CSRNP3: variants seen among roughly 807,000 people sequenced by gnomAD.
CSRNP3 encodes cysteine/serine-rich nuclear protein 3.
In CSRNP3, 12 loss-of-function variants were observed where a neutral mutation model predicts 48.0. The ratio of observed to expected loss-of-function variants is 0.25; its 90% CI spans 0.16 to 0.41. The LOEUF is 0.41. Among genes scored for constraint, CSRNP3 ranks in the 10% least tolerant of loss-of-function variants. The pLI is 1.00. For synonymous variants in CSRNP3, 263 were observed against 269.7 expected (o/e 0.98, Z 0.24); for missense variants, 580 against 724.4 (o/e 0.80, Z 2.29).
chr2:165,561,732 T>C (rs1161016031), intron 3 of CSRNP3, among the ~76,000 whole-genome samples: 1 of 152,142 alleles, frequency 6.6e-6, no homozygotes, highest in Non-Finnish European at 1.5e-5. Context: ...GTATGTTCTT[T>C]CTCTTAAACG....
chr2:165,538,512 T>C (rs1684911815), intron 3 of CSRNP3, among the ~76,000 whole-genome samples: 1 of 151,912 alleles, frequency 6.6e-6, no homozygotes, highest in Non-Finnish European at 1.5e-5. Context: ...ATCCAGTCTC[T>C]CACAACTCAT....
At chr2:165,670,421 T>C (rs1336627083) in intron 5 of CSRNP3, among the ~76,000 whole-genome samples, 1 of 152,174 alleles carries the variant, frequency 6.6e-6, no homozygotes, top group East Asian at 1.9e-4. Context: ...TTCCAAATAA[T>C]CATAAAAGAT....
chr2:165,646,880 T>A (rs1234946365), intron 4 of CSRNP3, among the ~76,000 whole-genome samples: 2 of 152,196 alleles, frequency 1.3e-5, no homozygotes, highest in Non-Finnish European at 2.9e-5. Flanking sequence ...TTATTCATAT[T>A]GAGATTTTAA....
intron 4 of CSRNP3, among the ~76,000 whole-genome samples, chr2:165,641,776 A>G (rs1000345408): frequency 6.6e-6 from 1 of 152,194 alleles, no homozygotes; most frequent in African/African-American, 2.4e-5. Context: ...GCTCCAAATG[A>G]TAAAGGAAAC....
intron 5 of CSRNP3, among the ~76,000 whole-genome samples, chr2:165,675,725 C>T (rs1187320010): frequency 1.3e-5 from 2 of 152,218 alleles, no homozygotes; most frequent in Non-Finnish European, 2.9e-5. Context: ...GCATGCTGAC[C>T]TGACTGATTA....
chr2:165,652,176 A>G (rs1686922038), intron 4 of CSRNP3, among the ~76,000 whole-genome samples: 1 of 152,104 alleles, frequency 6.6e-6, no homozygotes, highest in Non-Finnish European at 1.5e-5. Flanking sequence ...TCAGGCTGGT[A>G]TTATGTTGGG....
intron 4 of CSRNP3, among the ~76,000 whole-genome samples, chr2:165,634,385 A>G (rs766549065): frequency 6.6e-6 from 1 of 152,190 alleles, no homozygotes; most frequent in African/African-American, 2.4e-5. Context: ...TTTGAAAAAC[A>G]TACAAAAAAC....
At chr2:165,486,343 T>A (rs1192450238) in intron 1 of CSRNP3, among the ~76,000 whole-genome samples, 2 of 151,558 alleles carry the variant, frequency 1.3e-5, no homozygotes, top group Admixed American at 6.6e-5. Flanking sequence ...GAGATCAAAC[T>A]GCAAGGCGGC....
intron 4 of CSRNP3, among the ~76,000 whole-genome samples, chr2:165,599,653 AT>A (rs1362939701): frequency 4.6e-5 from 7 of 152,196 alleles, no homozygotes; most frequent in African/African-American, 1.7e-4. Context: ...GTTTCTAGAA[AT>A]GTATTTCAGA....
chr2:165,665,498 C>T (rs1489809119), intron 5 of CSRNP3, among the ~76,000 whole-genome samples: 6 of 152,058 alleles, frequency 3.9e-5, no homozygotes, highest in Non-Finnish European at 8.8e-5. Flanking sequence ...GGGTGGCTCG[C>T]ACCTGTAATC....
chr2:165,553,138 T>G (rs1685119372), intron 3 of CSRNP3, among the ~76,000 whole-genome samples: 1 of 152,154 alleles, frequency 6.6e-6, no homozygotes, highest in Non-Finnish European at 1.5e-5. Flanking sequence ...GTAACTGTAG[T>G]CTTTTAATTA....
At chr2:165,547,547 C>A (rs1685047363) in intron 3 of CSRNP3, among the ~76,000 whole-genome samples, 1 of 151,938 alleles carries the variant, frequency 6.6e-6, no homozygotes, top group African/African-American at 2.4e-5. Context: ...AGCATCTTTT[C>A]ATACGTATAT....
At chr2:165,571,217 T>A (rs927112278) in intron 3 of CSRNP3, among the ~76,000 whole-genome samples, 1 of 151,996 alleles carries the variant, frequency 6.6e-6, no homozygotes. Context: ...CATCTGTATT[T>A]ATAGTGCTTC....
rs529707983 is a variant in CSRNP3 at position 165,484,146 on chromosome 2, C to T, written c.-282-10613C>T. Among the ~76,000 whole-genome samples, 5 of 152,158 alleles carry T rather than the reference C, an allele frequency of 3.3e-5. No homozygotes were observed. In the South Asian group the frequency reaches 1.0e-3, roughly 32 times the overall value. On this transcript the variant is annotated intron_variant, in intron 1 of 6. Transcript: ENST00000651982. ...TTTTTGAGACAGAGTCCCACTGTCA[C>T]CCAGGCTATCTTGGCTCACTGCAGC...
At chr2:165,484,820 G>A (rs1684091720) in intron 1 of CSRNP3, among the ~76,000 whole-genome samples, 1 of 152,108 alleles carries the variant, frequency 6.6e-6, no homozygotes. Flanking sequence ...CGCAATTTTG[G>A]TAGTTCAACC....
chr2:165,494,745 T>A lies in CSRNP3; in HGVS notation c.-282-14T>A, dbSNP rs1684264158. 2 of 195,022 alleles carry A rather than the reference T, an allele frequency of 1.0e-5. No homozygotes were observed. 12.1% of individuals were successfully genotyped at this position (195,022 alleles called of 1,614,324 possible). A position where few individuals can be genotyped will look rare whatever the true frequency, so the allele number is the denominator to read the frequency against. The stretch of plus-strand genomic sequence containing the variant: ...AAATATTTCAATGCTTCATTGCTCC[T>A]GTTCCTGTTACAGGTACATGTGACA... On this transcript the variant is annotated splice_polypyrimidine_tract_variant and intron_variant, in intron 1 of 6. Transcript: ENST00000651982.
chr2:165,567,199 G>T (rs1241085872), intron 3 of CSRNP3, among the ~76,000 whole-genome samples: 2 of 151,928 alleles, frequency 1.3e-5, no homozygotes, highest in Non-Finnish European at 2.9e-5. Flanking sequence ...TTTGTCACAG[G>T]TTAGACATCT....
chr2:165,632,943 A>G (rs1307345310), intron 4 of CSRNP3, among the ~76,000 whole-genome samples: 1 of 152,246 alleles, frequency 6.6e-6, no homozygotes, highest in Non-Finnish European at 1.5e-5. Flanking sequence ...ACTGTGGTAG[A>G]CATGTGAAAA....
intron 4 of CSRNP3, among the ~76,000 whole-genome samples, chr2:165,651,673 TGAGACA>T (rs1686912196): frequency 6.6e-6 from 1 of 151,048 alleles, no homozygotes; most frequent in Non-Finnish European, 1.5e-5. Flanking sequence ...TTTTTTTTTT[TGAGACA>T]GAGTTTTGCT....
Sources: allele counts gnomAD v4.1 joint callset (sites outside exome capture counted in the v4.1 genomes callset), GRCh38; gene constraint gnomAD v4.1.1; transcripts MANE v1.5; gene names NCBI Gene and HGNC (gene_info 2026-07-23, HGNC 2026-07-21).